Variants in CNTN1 observed in about 807,000 individuals in gnomAD.
The protein encoded by CNTN1 is contactin-1.
CNTN1 carries 38 observed loss-of-function variants against 126.4 expected under a neutral mutation model. The observed-to-expected ratio is 0.30, with a 90% CI of 0.23 to 0.39. CNTN1 has a LOEUF of 0.39. CNTN1 is among the 10% of genes least tolerant of loss of function. The probability of loss-of-function intolerance (pLI) is 1.00; values close to 1 mark genes in which losing one functional copy is unlikely to be tolerated. For synonymous variants in CNTN1, 413 were observed against 422.6 expected, an observed-to-expected ratio of 0.98 and a Z score of 0.28; for missense variants, 1,009 against 1,248.4, an observed-to-expected ratio of 0.81 and a Z score of 2.89.
chr12:40,998,005 A>T (rs950372945), intron 17 of CNTN1, among the ~76,000 whole-genome samples: 3 of 152,154 alleles, frequency 2.0e-5, no homozygotes, highest in Non-Finnish European at 4.4e-5. Context: ...TTTGTAGAAG[A>T]TAAAAAGGAG....
chr12:40,921,170 T>C (rs1314785660), intron 4 of CNTN1, among the ~76,000 whole-genome samples: 3 of 152,340 alleles, frequency 2.0e-5, no homozygotes, highest in South Asian at 4.1e-4. Context: ...TTATCTCCTA[T>C]ACTGCGAAAA....
At chr12:40,855,386 T>A (rs1177911042) in intron 1 of CNTN1, among the ~76,000 whole-genome samples, 1 of 152,124 alleles carries the variant, frequency 6.6e-6, no homozygotes, top group East Asian at 1.9e-4. Flanking sequence ...ATGCTCGTCA[T>A]TATCTATTTA....
intron 1 of CNTN1, among the ~76,000 whole-genome samples, chr12:40,840,125 T>C (rs914902872): frequency 6.6e-6 from 1 of 151,834 alleles, no homozygotes; most frequent in African/African-American, 2.4e-5. Context: ...AAGACACATA[T>C]AGACTGAAAG....
At chr12:40,700,482 T>C (rs1941566793) in intron 1 of CNTN1, among the ~76,000 whole-genome samples, 1 of 151,940 alleles carries the variant, frequency 6.6e-6, no homozygotes, top group Non-Finnish European at 1.5e-5. Context: ...GCTGAGATCA[T>C]GCCATTGCAC....
At chr12:41,010,777 T>G (rs7968141) in intron 17 of CNTN1, among the ~76,000 whole-genome samples, 1 of 152,108 alleles carries the variant, frequency 6.6e-6, no homozygotes, top group African/African-American at 2.4e-5. Flanking sequence ...ATTTTGCCCT[T>G]GCTCTTCATA....
At chr12:41,063,290 G>GT (rs1306695434) in intron 23 of CNTN1, among the ~76,000 whole-genome samples, 4 of 152,322 alleles carry the variant, frequency 2.6e-5, no homozygotes, top group African/African-American at 7.2e-5. Flanking sequence ...AATTAGAGAG[G>GT]TTTTAAATGA....
intron 1 of CNTN1, among the ~76,000 whole-genome samples, chr12:40,807,035 C>A (rs530395383): frequency 6.6e-6 from 1 of 152,024 alleles, no homozygotes; most frequent in South Asian, 2.1e-4. Flanking sequence ...AGCAGCCACA[C>A]TATACCAAGC....
At chr12:41,057,545 CAT>C (rs1176132075) in intron 23 of CNTN1, among the ~76,000 whole-genome samples, 9 of 151,982 alleles carry the variant, frequency 5.9e-5, no homozygotes, top group Non-Finnish European at 1.2e-4. Flanking sequence ...GCAATATCAA[CAT>C]AAGACTCTGT....
chr12:40,706,262 C>T (rs1941738898), intron 1 of CNTN1, among the ~76,000 whole-genome samples: 1 of 108,054 alleles, frequency 9.3e-6, no homozygotes. Context: ...GCTTTCCCTC[C>T]CCCCTCCCCT....
chr12:40,773,696 C>CATATATATAT (rs369635772), intron 1 of CNTN1, among the ~76,000 whole-genome samples: 18 of 19,924 alleles, frequency 9.0e-4, no homozygotes, highest in African/African-American at 1.3e-3. Context: ...TATATATACA[C>CATATATATAT]ATATATATAT....
chr12:40,982,922 T>TCACACAC (rs1947857125), intron 16 of CNTN1, among the ~76,000 whole-genome samples: 1 of 115,970 alleles, frequency 8.6e-6, no homozygotes, highest in African/African-American at 3.4e-5. Flanking sequence ...GTGGGGAACA[T>TCACACAC]CACACACCGG....
chr12:40,762,671 C>T (rs914925230), intron 1 of CNTN1, among the ~76,000 whole-genome samples: 3 of 152,150 alleles, frequency 2.0e-5, no homozygotes, highest in African/African-American at 7.2e-5. Context: ...TGAATCTTCA[C>T]TCATGCATAA....
chr12:40,992,187 T>C (rs141442671), intron 16 of CNTN1, among the ~76,000 whole-genome samples: 1 of 152,276 alleles, frequency 6.6e-6, no homozygotes, highest in Non-Finnish European at 1.5e-5. Context: ...GAGTTAAAAT[T>C]ATGGCAGGGT....
At chr12:40,803,063 T>C (rs1940714876) in intron 1 of CNTN1, among the ~76,000 whole-genome samples, 1 of 152,020 alleles carries the variant, frequency 6.6e-6, no homozygotes, top group Non-Finnish European at 1.5e-5. Flanking sequence ...TGCTGTTATC[T>C]GCAGCTGACC....
intron 17 of CNTN1, among the ~76,000 whole-genome samples, chr12:41,000,170 G>T (rs1948321463): frequency 6.6e-6 from 1 of 152,088 alleles, no homozygotes. Context: ...TTTTAGGTCT[G>T]TTCCAAATAA....
intron 1 of CNTN1, among the ~76,000 whole-genome samples, chr12:40,724,517 T>G (rs1942301161): frequency 6.6e-6 from 1 of 152,218 alleles, no homozygotes; most frequent in Non-Finnish European, 1.5e-5. Context: ...ATAAAAGAAC[T>G]TAAAATTATT....
At chr12:40,696,250 A>G (rs1367780189) in intron 1 of CNTN1, among the ~76,000 whole-genome samples, 3 of 152,222 alleles carry the variant, frequency 2.0e-5, no homozygotes, top group Non-Finnish European at 4.4e-5. Flanking sequence ...GCTTTTATCA[A>G]TGGAGACTAC....
intron 1 of CNTN1, among the ~76,000 whole-genome samples, chr12:40,836,277 T>C (rs148947480): frequency 2.2e-3 from 325 of 148,370 alleles, no homozygotes; most frequent in African/African-American, 7.4e-3. Flanking sequence ...AATATGTATG[T>C]ATATATAACA....
intron 23 of CNTN1, among the ~76,000 whole-genome samples, chr12:41,036,823 A>T (rs1424666234): frequency 3.9e-5 from 6 of 152,314 alleles, no homozygotes; most frequent in African/African-American, 1.4e-4. Context: ...AAAGGGAATG[A>T]CTTTTTAAAG....
Sources: allele counts gnomAD v4.1 joint callset (sites outside exome capture counted in the v4.1 genomes callset), GRCh38; gene constraint gnomAD v4.1.1; transcripts MANE v1.5; gene names NCBI Gene and HGNC (gene_info 2026-07-23, HGNC 2026-07-21).